CRTC3: variants seen among roughly 807,000 people sequenced by gnomAD.
CRTC3 encodes CREB regulated transcription coactivator 3, also known as CREB-regulated transcription coactivator 3.
CRTC3 carries 26 observed loss-of-function variants against 74.5 expected under a neutral mutation model. That is an observed-to-expected ratio of 0.35 (90% confidence interval 0.26 to 0.48). CRTC3 has a LOEUF of 0.48. Ranked by LOEUF, CRTC3 falls within the 20% of genes least tolerant of loss-of-function variation. The pLI is 0.99. For synonymous variants in CRTC3, 377 were observed against 325.8 expected (o/e 1.16, Z -1.69); for missense variants, 760 against 787.3 (o/e 0.97, Z 0.41).
chr15:90,532,192 C>G (rs1966638800), intron 1 of CRTC3, among the ~76,000 whole-genome samples: 2 of 152,182 alleles, frequency 1.3e-5, no homozygotes, highest in African/African-American at 4.8e-5. Context: ...CTGCTTGGCT[C>G]CACCGTGTTC....
intron 1 of CRTC3, among the ~76,000 whole-genome samples, chr15:90,533,702 C>A (rs1966671957): frequency 6.6e-6 from 1 of 151,926 alleles, no homozygotes; most frequent in African/African-American, 2.4e-5. Context: ...ACACAGTGTC[C>A]CAGTGGATTT....
At chr15:90,533,287 C>A (rs1966661653) in intron 1 of CRTC3, among the ~76,000 whole-genome samples, 1 of 150,354 alleles carries the variant, frequency 6.7e-6, no homozygotes, top group South Asian at 2.1e-4. Context: ...GCCTGTAGTC[C>A]CAGCTACTCG....
At chr15:90,535,491 A>AG (rs1177393380) in intron 1 of CRTC3, among the ~76,000 whole-genome samples, 1 of 152,114 alleles carries the variant, frequency 6.6e-6, no homozygotes, top group African/African-American at 2.4e-5. Context: ...TGAGACGTTG[A>AG]GGAGTGGACG....
intron 2 of CRTC3, among the ~76,000 whole-genome samples, chr15:90,567,673 A>C (rs1967156382): frequency 6.6e-6 from 1 of 151,762 alleles, no homozygotes; most frequent in African/African-American, 2.4e-5. Context: ...GGGCAACAAG[A>C]GTGAAACTCC....
At chr15:90,632,265 C>T (rs949012551) in intron 11 of CRTC3, among the ~76,000 whole-genome samples, 8 of 152,026 alleles carry the variant, frequency 5.3e-5, no homozygotes, top group Non-Finnish European at 1.5e-5. Context: ...TGTCCCCTTT[C>T]AGATGTGTTT....
chr15:90,551,588 T>C (rs892740338), intron 2 of CRTC3, among the ~76,000 whole-genome samples: 2 of 152,152 alleles, frequency 1.3e-5, no homozygotes, highest in African/African-American at 4.8e-5. Context: ...ATTCTAATGC[T>C]GCGTTCTAGG....
chr15:90,617,754 C>A (rs1596129094), intron 7 of CRTC3, 129 bp from the exon 8 acceptor site: 1 of 620,210 alleles, frequency 1.6e-6, no homozygotes, highest in Middle Eastern at 2.8e-4. Context: ...TTGTCTCAAA[C>A]TCCTGGGCTC....
chr15:90,570,989 T>C (rs2151069692), intron 2 of CRTC3, among the ~76,000 whole-genome samples: 1 of 152,236 alleles, frequency 6.6e-6, no homozygotes, highest in South Asian at 2.1e-4. Flanking sequence ...ATGAAAATAG[T>C]GGTTGTATTT....
At chr15:90,623,446 C>T (rs1265246698) in intron 9 of CRTC3, among the ~76,000 whole-genome samples, 1 of 152,186 alleles carries the variant, frequency 6.6e-6, no homozygotes, top group Non-Finnish European at 1.5e-5. Context: ...CCAATCTGCT[C>T]ACATCTTCAG....
intron 2 of CRTC3, among the ~76,000 whole-genome samples, chr15:90,554,671 A>G (rs1966874388): frequency 1.3e-5 from 2 of 152,176 alleles, no homozygotes; most frequent in African/African-American, 4.8e-5. Context: ...TCCCATTTCT[A>G]TATTTGTAAA....
At chr15:90,544,059 A>G (rs1016716392) in intron 2 of CRTC3, among the ~76,000 whole-genome samples, 7 of 152,128 alleles carry the variant, frequency 4.6e-5, no homozygotes, top group African/African-American at 1.7e-4. Flanking sequence ...GTGCCTTAAA[A>G]CAACAGAAAT....
At chr15:90,545,910 C>G (rs1181795354) in intron 2 of CRTC3, among the ~76,000 whole-genome samples, 1 of 152,120 alleles carries the variant, frequency 6.6e-6, no homozygotes, top group Non-Finnish European at 1.5e-5. Context: ...TGTTAATTTT[C>G]TTAATCAGTT....
At position 90,545,669 on chromosome 15, in the gene CRTC3, T is replaced by G. The variant is rs371854621; in HGVS notation, c.231+5532T>G. Among the ~76,000 whole-genome samples the G allele has an allele frequency of 6.5e-4, 99 of 152,046 alleles. 1 individual carries two copies. The East Asian group carries it at 0.015, about 23-fold the overall frequency. ...TCGGCTCACTGCAACCTCCGCCTCC[T>G]GGGTTCAAGCAATTCTCCTGCCTCA... On this transcript the variant is annotated intron_variant, in intron 2 of 14. Coordinates refer to ENST00000268184, the MANE Select transcript of CRTC3 (RefSeq NM_022769.5).
intron 2 of CRTC3, among the ~76,000 whole-genome samples, chr15:90,586,466 G>A (rs1157997790): frequency 6.8e-6 from 1 of 147,026 alleles, no homozygotes; most frequent in Non-Finnish European, 1.5e-5. Flanking sequence ...CCCTGGGTTC[G>A]AGCAATTCTT....
intron 2 of CRTC3, among the ~76,000 whole-genome samples, chr15:90,563,412 T>A (rs1014532317): frequency 6.6e-6 from 1 of 151,532 alleles, no homozygotes; most frequent in Non-Finnish European, 1.5e-5. Context: ...TATCAAAAAA[T>A]AAATAAATAA....
Position 90,635,169 on chromosome 15 carries a change from A to G in CRTC3, c.1267-3277A>G. 3 of 553,828 alleles carry G rather than the reference A, an allele frequency of 5.4e-6. No homozygotes were observed. In the South Asian group the frequency reaches 6.1e-5, roughly 11 times the overall value. 34.3% of individuals were successfully genotyped at this position (553,828 alleles called of 1,614,324 possible). ...ACTAATGACATCCAGTGTCTCCAAA[A>G]TTGTTTCCTTGTACTGATATAAACA... is the stretch of plus-strand genomic sequence containing the variant. On this transcript the variant is annotated intron_variant, in intron 11 of 14. Coordinates refer to ENST00000268184, the MANE Select transcript of CRTC3 (RefSeq NM_022769.5).
At chr15:90,555,661 G>A (rs2151063535) in intron 2 of CRTC3, among the ~76,000 whole-genome samples, 1 of 152,192 alleles carries the variant, frequency 6.6e-6, no homozygotes, top group South Asian at 2.1e-4. Context: ...GGGATTATAG[G>A]CATGCACCAC....
In CRTC3 at chr15:90,571,406, A is replaced by C. The variant is rs570394210; in HGVS notation, c.232-22230A>C. On this transcript the variant is annotated intron_variant, in intron 2 of 14. Coordinates refer to ENST00000268184, the MANE Select transcript of CRTC3 (RefSeq NM_022769.5). ...GAGTGAGGAGTGTTCTAAGCAAAAG[A>C]AGCTGCATTTGGCAAAGCTTGGAGG... 2.0e-5 allele frequency among the ~76,000 whole-genome samples: 3 copies of C among 152,274 alleles called. No homozygotes were observed. In the East Asian group the frequency reaches 5.8e-4, roughly 29 times the overall value.
intron 2 of CRTC3, among the ~76,000 whole-genome samples, chr15:90,567,104 T>C (rs888836997): frequency 2.0e-5 from 3 of 152,124 alleles, no homozygotes; most frequent in African/African-American, 4.8e-5. Context: ...GACACTTCGA[T>C]TCTGTTGTTA....
Sources: allele counts gnomAD v4.1 joint callset (sites outside exome capture counted in the v4.1 genomes callset), GRCh38; gene constraint gnomAD v4.1.1; transcripts MANE v1.5; gene names NCBI Gene and HGNC (gene_info 2026-07-23, HGNC 2026-07-21).